The following CLIC5 variants were observed in gnomAD, a reference collection of about 807,000 sequenced individuals.
CLIC5 encodes CLIC family member 5, also known as chloride intracellular channel protein 5.
In CLIC5, 20 loss-of-function variants were observed where a neutral mutation model predicts 24.7. That is an observed-to-expected ratio of 0.81 (90% CI 0.57 to 1.18). The LOEUF (loss-of-function observed/expected upper bound fraction) is 1.18, where lower values mean the gene tolerates loss of function less well. Among genes scored for constraint, CLIC5 ranks in the 50% most tolerant of loss-of-function variants. The pLI is 0.00. For missense variants in CLIC5, 341 were observed against 326.1 expected, an observed-to-expected ratio of 1.05 and a Z score of -0.35; for synonymous variants, 159 against 135.6, an observed-to-expected ratio of 1.17 and a Z score of -1.20.
chr6:46,079,073 T>C (rs1328215272), intron 1 of CLIC5, among the ~76,000 whole-genome samples: 2 of 152,230 alleles, frequency 1.3e-5, no homozygotes, highest in African/African-American at 2.4e-5. Context: ...ACACTTTACA[T>C]TTTGATAATA....
At chr6:45,949,979 G>A (rs1239403585) in intron 2 of CLIC5, among the ~76,000 whole-genome samples, 1 of 152,190 alleles carries the variant, frequency 6.6e-6, no homozygotes. Context: ...AACAGCCCCT[G>A]ATATGGTCTT....
chr6:45,989,393 A>G (rs1013347208), intron 1 of CLIC5, among the ~76,000 whole-genome samples: 1 of 152,330 alleles, frequency 6.6e-6, no homozygotes, highest in South Asian at 2.1e-4. Flanking sequence ...TTGGCTAGGA[A>G]AAGTCAGAAT....
intron 1 of CLIC5, among the ~76,000 whole-genome samples, chr6:46,000,702 T>C (rs1039359292): frequency 6.6e-6 from 1 of 152,048 alleles, no homozygotes; most frequent in Non-Finnish European, 1.5e-5. Context: ...GCAGGGGAAA[T>C]GCCAGACACT....
chr6:45,944,549 CAAAAAAAA>C (rs773971605), intron 3 of CLIC5, among the ~76,000 whole-genome samples: 4 of 61,416 alleles, frequency 6.5e-5, no homozygotes, highest in Non-Finnish European at 1.3e-4. Flanking sequence ...GGCTTCTCAC[CAAAAAAAA>C]AAAAAAAAAA....
intron 4 of CLIC5, chr6:45,920,071 T>C (rs1388867185): frequency 1.4e-6 from 1 of 706,056 alleles, no homozygotes; most frequent in East Asian, 1.4e-4. Context: ...CAAAATGTTC[T>C]CATTCCCCTG....
intron 4 of CLIC5, among the ~76,000 whole-genome samples, chr6:45,932,150 G>A (rs1008313834): frequency 1.1e-4 from 17 of 151,792 alleles, no homozygotes; most frequent in East Asian, 1.9e-4. Flanking sequence ...TCATTCTGTC[G>A]CCAGGCTGGA....
the CLIC5 span, among the ~76,000 whole-genome samples, chr6:46,087,936 T>A: frequency 6.6e-6 from 1 of 152,176 alleles, no homozygotes; most frequent in Non-Finnish European, 1.5e-5. Context: ...TCATTCTGCC[T>A]AAAGGAAATG....
At chr6:45,903,938 T>A (rs926286551) in intron 5 of CLIC5, among the ~76,000 whole-genome samples, 2 of 152,212 alleles carry the variant, frequency 1.3e-5, no homozygotes, top group South Asian at 4.1e-4. Flanking sequence ...GGAATGTATA[T>A]GTAGGTTTAG....
At position 45,900,780 on chromosome 6, in the gene CLIC5, CT is replaced by C. The variant is rs778527231; in HGVS notation, c.*2307del. On this transcript the variant is annotated 3_prime_UTR_variant, in exon 6 of 6. Transcript: ENST00000339561. ...CACCTCCTTGTCTTAATATATTTAT[CT>C]CTGTAAAACTAGCTCAACCACAGAA... 6.6e-6 allele frequency: 1 copy of C among 152,138 alleles called. No homozygotes were observed. The highest frequency in any genetic ancestry group is 1.5e-5 in the Non-Finnish European group (1 of 68,020). The allele number at this position is 152,138 out of a possible 1,614,324, so 9.4% of individuals were successfully genotyped here.
At chr6:45,998,649 C>T (rs1561993766) in intron 1 of CLIC5, among the ~76,000 whole-genome samples, 1 of 152,156 alleles carries the variant, frequency 6.6e-6, no homozygotes. Context: ...TTTTACAGCT[C>T]AACCCTGAGG....
At chr6:46,032,731 C>G (rs1435906614) in intron 1 of CLIC5, among the ~76,000 whole-genome samples, 1 of 152,182 alleles carries the variant, frequency 6.6e-6, no homozygotes, top group African/African-American at 2.4e-5. Context: ...TCTTCGTGCC[C>G]TTATTCTTAA....
At chr6:46,085,937 C>T in the CLIC5 span, among the ~76,000 whole-genome samples, 1 of 152,240 alleles carries the variant, frequency 6.6e-6, no homozygotes, top group Non-Finnish European at 1.5e-5. Flanking sequence ...CCTAAGCAAG[C>T]CTGGGCAATG....
At chr6:45,957,796 G>A (rs532064397) in intron 1 of CLIC5, among the ~76,000 whole-genome samples, 35 of 152,134 alleles carry the variant, frequency 2.3e-4, no homozygotes, top group African/African-American at 8.0e-4. Context: ...ACAGCCTTGC[G>A]GCCCTAAGAA....
chr6:45,884,840 G>C (rs775522703), intron 6 of CLIC5, among the ~76,000 whole-genome samples: 5 of 152,126 alleles, frequency 3.3e-5, no homozygotes, highest in East Asian at 1.9e-4. Flanking sequence ...TTTGGGGAGA[G>C]AGGGGATATT....
chr6:45,970,098 C>A (rs1235269455), intron 1 of CLIC5, among the ~76,000 whole-genome samples: 1 of 152,172 alleles, frequency 6.6e-6, no homozygotes, highest in African/African-American at 2.4e-5. Context: ...CCCCAGCCAG[C>A]ACATTAAAGG....
At chr6:46,009,430 C>A (rs887439168) in intron 1 of CLIC5, among the ~76,000 whole-genome samples, 1 of 152,104 alleles carries the variant, frequency 6.6e-6, no homozygotes, top group African/African-American at 2.4e-5. Flanking sequence ...CCCCTCAGAA[C>A]ACAAGCAGTG....
chr6:46,112,531 C>T, the CLIC5 span, among the ~76,000 whole-genome samples: 2 of 152,108 alleles, frequency 1.3e-5, no homozygotes, highest in Non-Finnish European at 2.9e-5. Flanking sequence ...CTGTGGTTTG[C>T]CCCCCACGTG....
At chr6:46,019,888 A>G (rs966244169), upstream of CLIC5, among the ~76,000 whole-genome samples, 1 of 151,878 alleles carries the variant, frequency 6.6e-6, no homozygotes, top group Non-Finnish European at 1.5e-5. Context: ...CCTTAAATGC[A>G]TATATACTTA....
At chr6:45,993,190 G>A (rs1307987981) in intron 1 of CLIC5, among the ~76,000 whole-genome samples, 1 of 152,188 alleles carries the variant, frequency 6.6e-6, no homozygotes, top group Non-Finnish European at 1.5e-5. Flanking sequence ...GGCCATATGA[G>A]CAGAAAACAT....
Sources: allele counts gnomAD v4.1 joint callset (sites outside exome capture counted in the v4.1 genomes callset), GRCh38; gene constraint gnomAD v4.1.1; transcripts MANE v1.5; gene names NCBI Gene and HGNC (gene_info 2026-07-23, HGNC 2026-07-21).